Variants in CDH18 observed in about 807,000 individuals in gnomAD.
CDH18 encodes the protein cadherin-18.
In CDH18, 31 loss-of-function variants were observed where a neutral mutation model predicts 67.9. The ratio of observed to expected loss-of-function variants is 0.46; its 90% confidence interval spans 0.34 to 0.62. CDH18 has a LOEUF of 0.62. Among genes scored for constraint, CDH18 ranks in the 20% least tolerant of loss-of-function variants. The pLI is 0.01. For missense variants in CDH18, 890 were observed against 975.5 expected, an observed-to-expected ratio of 0.91 and a Z score of 1.17; for synonymous variants, 362 against 347.2, an observed-to-expected ratio of 1.04 and a Z score of -0.48.
chr5:20,469,352 G>GA (rs11461745), intron 1 of CDH18, among the ~76,000 whole-genome samples: 66,678 of 151,986 alleles, frequency 0.44, 15,548 homozygotes, highest in Non-Finnish European at 0.53. Context: ...AACTAGAGCA[G>GA]AAAGCATTTT....
At chr5:19,645,917 C>T (rs62351295) in intron 5 of CDH18, among the ~76,000 whole-genome samples, 9,741 of 152,152 alleles carry the variant, frequency 0.064, 333 homozygotes, top group Non-Finnish European at 0.074. Context: ...ATTAACATTA[C>T]TGTGATTGTG....
At chr5:20,561,673 T>C (rs1758226356) in intron 1 of CDH18, among the ~76,000 whole-genome samples, 1 of 151,992 alleles carries the variant, frequency 6.6e-6, no homozygotes, top group Non-Finnish European at 1.5e-5. Context: ...TAATAGTGAA[T>C]ACATGTCATT....
chr5:20,100,009 C>T (rs1214076387), intron 2 of CDH18, among the ~76,000 whole-genome samples: 1 of 152,126 alleles, frequency 6.6e-6, no homozygotes, highest in African/African-American at 2.4e-5. Context: ...TGGTCTCCAA[C>T]TCCTGACTTC....
At chr5:19,570,718 C>CAA (rs201142308) in intron 8 of CDH18, among the ~76,000 whole-genome samples, 1 of 151,916 alleles carries the variant, frequency 6.6e-6, no homozygotes, top group African/African-American at 2.4e-5. Flanking sequence ...ATGAGGGACA[C>CAA]AAAAAAACTC....
intron 2 of CDH18, among the ~76,000 whole-genome samples, chr5:20,198,800 A>G (rs1739202522): frequency 6.6e-6 from 1 of 152,192 alleles, no homozygotes; most frequent in Admixed American, 6.5e-5. Context: ...TGCTGTGTGC[A>G]GCCCAGGGAC....
intron 5 of CDH18, among the ~76,000 whole-genome samples, chr5:19,659,586 T>G (rs570682960): frequency 6.6e-6 from 1 of 152,242 alleles, no homozygotes; most frequent in East Asian, 1.9e-4. Context: ...AAATTTAATC[T>G]CTAATACAAT....
chr5:20,120,890 T>C (rs924453514), intron 2 of CDH18, among the ~76,000 whole-genome samples: 48 of 152,178 alleles, frequency 3.2e-4, no homozygotes, highest in African/African-American at 1.1e-3. Flanking sequence ...ATATTGATTA[T>C]TCTCCTGAAT....
rs75001383 is a variant in CDH18, at chr5:20,425,581, T to C, written c.-580+149881A>G. Among the ~76,000 whole-genome samples, 674 of 151,010 alleles carry C rather than the reference T, an allele frequency of 4.5e-3. 23 individuals are homozygous for C. The East Asian group carries it at 0.066, about 15-fold the overall frequency. On this transcript the variant is annotated intron_variant, in intron 1 of 14. Transcript: ENST00000507958. ...TATTAAGATAGTTCCATATAACACA[T>C]AGGTTGATAATGTCTAAAATTGACA...
At chr5:19,704,354 T>C (rs1287125469) in intron 5 of CDH18, among the ~76,000 whole-genome samples, 1 of 152,160 alleles carries the variant, frequency 6.6e-6, no homozygotes, top group Non-Finnish European at 1.5e-5. Flanking sequence ...GCTCTGTGAA[T>C]GGCCTGATGG....
At chr5:19,867,615 G>T (rs375390634) in intron 2 of CDH18, among the ~76,000 whole-genome samples, 2 of 109,522 alleles carry the variant, frequency 1.8e-5, no homozygotes, top group Non-Finnish European at 4.0e-5. Context: ...ATTGGAAAGG[G>T]TCTTATTTTA....
intron 2 of CDH18, among the ~76,000 whole-genome samples, chr5:20,110,274 T>C (rs1216364299): frequency 6.6e-6 from 1 of 152,226 alleles, no homozygotes; most frequent in Admixed American, 6.5e-5. Context: ...AGTTTTACAG[T>C]TTTGAATCAG....
At chr5:20,364,246 T>C (rs1742328891) in intron 1 of CDH18, among the ~76,000 whole-genome samples, 1 of 151,806 alleles carries the variant, frequency 6.6e-6, no homozygotes, top group South Asian at 2.1e-4. Context: ...TGTGTATGCA[T>C]GTACAAGTAC....
rs541038391 is a variant in CDH18, at chr5:20,337,533, C to T, written c.-579-82028G>A. Among the ~76,000 whole-genome samples, 5 of 152,282 alleles carry T rather than the reference C, an allele frequency of 3.3e-5. No homozygotes were observed. The East Asian group carries it at 7.7e-4, about 24-fold the overall frequency. On this transcript the variant is annotated intron_variant, in intron 1 of 14. Transcript: ENST00000507958. Reference sequence around the variant, plus strand: ...AATGACACCAGTCTCTTTGCTAAAACATAACAAGCATCACCTTTGCTCCTG... The same window carrying T: ...AATGACACCAGTCTCTTTGCTAAAATATAACAAGCATCACCTTTGCTCCTG...
chr5:20,469,101 A>T lies in CDH18; in HGVS notation c.-580+106361T>A, dbSNP rs535783467. ...AACAGGAAGGCAGCAAGTGCCAAAC[A>T]GTAATCATTATCACCACCAAACCAA... On this transcript the variant is annotated intron_variant, in intron 1 of 14. Transcript: ENST00000507958. 4.6e-5 allele frequency among the ~76,000 whole-genome samples: 7 copies of T among 152,330 alleles called. No individual in the cohort carries two copies. In the South Asian group the frequency reaches 1.5e-3, roughly 32 times the overall value.
chr5:19,995,114 T>C (rs1208051186), intron 2 of CDH18, among the ~76,000 whole-genome samples: 1 of 151,692 alleles, frequency 6.6e-6, no homozygotes, highest in Non-Finnish European at 1.5e-5. Context: ...GATTGGATGA[T>C]GCACACCCAC....
intron 9 of CDH18, among the ~76,000 whole-genome samples, chr5:19,537,663 T>A (rs967826282): frequency 6.6e-6 from 1 of 152,116 alleles, no homozygotes; most frequent in African/African-American, 2.4e-5. Context: ...AACTACCAGT[T>A]TTGTAGCCCC....
chr5:20,126,598 A>T (rs1250433268), intron 2 of CDH18, among the ~76,000 whole-genome samples: 1 of 152,198 alleles, frequency 6.6e-6, no homozygotes, highest in East Asian at 1.9e-4. Context: ...ACATTTAAAA[A>T]GTCTTTTCCA....
Position 20,429,985 on chromosome 5 carries a change from A to G in CDH18, c.-580+145477T>C, listed in dbSNP as rs547396672. ...ATTTCCCAGGAAGCTTCCACTTTTC[A>G]TATAATTTCTTCATTTCCCACCAAA... On this transcript the variant is annotated intron_variant, in intron 1 of 14. Transcript: ENST00000507958. 5.3e-5 allele frequency among the ~76,000 whole-genome samples: 8 copies of G among 152,282 alleles called. No homozygotes were observed. The South Asian group carries it at 1.4e-3, about 28-fold the overall frequency.
At chr5:19,595,323 T>C (rs369714673) in intron 6 of CDH18, among the ~76,000 whole-genome samples, 1 of 152,012 alleles carries the variant, frequency 6.6e-6, no homozygotes, top group African/African-American at 2.4e-5. Flanking sequence ...CTAGAAAACA[T>C]GGATGAAAAA....
Sources: allele counts gnomAD v4.1 joint callset (sites outside exome capture counted in the v4.1 genomes callset), GRCh38; gene constraint gnomAD v4.1.1; transcripts MANE v1.5; gene names NCBI Gene and HGNC (gene_info 2026-07-23, HGNC 2026-07-21).